Variants in UST observed in about 807,000 individuals in gnomAD.
The protein encoded by UST is chondroitin sulfate 2-O-sulfotransferase.
In UST, 21 loss-of-function variants were observed where a neutral mutation model predicts 45.6. The observed-to-expected ratio is 0.46, with a 90% CI of 0.33 to 0.66. The LOEUF (loss-of-function observed/expected upper bound fraction) is 0.66, where lower values mean the gene tolerates loss of function less well. UST is among the 30% of genes least tolerant of loss of function. UST has a pLI of 0.02. For missense variants in UST, 463 were observed against 512.4 expected (o/e 0.90, Z 0.93); for synonymous variants, 215 against 200.6 (o/e 1.07, Z -0.61).
intron 1 of UST, among the ~76,000 whole-genome samples, chr6:148,793,435 C>G (rs1776890152): frequency 1.3e-5 from 2 of 152,288 alleles, no homozygotes; most frequent in South Asian, 4.1e-4. Context: ...CCAGAAACCC[C>G]CCTCCTCACC....
At chr6:148,903,737 G>A (rs1582888348) in intron 2 of UST, among the ~76,000 whole-genome samples, 2 of 152,290 alleles carry the variant, frequency 1.3e-5, no homozygotes, top group East Asian at 1.9e-4. Context: ...ATATGCAGGT[G>A]ACTCTAATAT....
intron 7 of UST, among the ~76,000 whole-genome samples, chr6:149,029,452 T>C (rs1158886573): frequency 1.4e-5 from 2 of 143,434 alleles, no homozygotes; most frequent in African/African-American, 2.6e-5. Context: ...TTATATTATA[T>C]ATACATTATA....
chr6:148,972,092 T>G (rs534418117), intron 5 of UST, among the ~76,000 whole-genome samples: 1 of 152,150 alleles, frequency 6.6e-6, no homozygotes, highest in Non-Finnish European at 1.5e-5. Context: ...TGCCGCCTAG[T>G]TAGCAACAGA....
intron 7 of UST, among the ~76,000 whole-genome samples, chr6:149,051,238 C>T (rs1776481421): frequency 6.6e-6 from 1 of 152,222 alleles, no homozygotes; most frequent in Non-Finnish European, 1.5e-5. Context: ...CTCAATTTCA[C>T]AGCCATATCG....
intron 2 of UST, among the ~76,000 whole-genome samples, chr6:148,916,502 C>G (rs750640885): frequency 5.3e-5 from 8 of 152,202 alleles, no homozygotes; most frequent in Non-Finnish European, 7.3e-5. Context: ...AGACATCGTT[C>G]TGGATCCTGG....
chr6:148,953,174 C>A (rs1780399753), intron 3 of UST, among the ~76,000 whole-genome samples: 1 of 152,136 alleles, frequency 6.6e-6, no homozygotes, highest in Non-Finnish European at 1.5e-5. Context: ...TTCTGCAGCA[C>A]CTGTTTCAAT....
intron 7 of UST, among the ~76,000 whole-genome samples, chr6:149,032,196 C>T (rs900586388): frequency 3.9e-5 from 6 of 152,290 alleles, no homozygotes; most frequent in Admixed American, 1.3e-4. Context: ...CCGCTGCTGC[C>T]GGAGGGCCTG....
intron 4 of UST, among the ~76,000 whole-genome samples, chr6:148,957,184 C>G (rs1410843046): frequency 1.3e-5 from 2 of 152,206 alleles, no homozygotes; most frequent in African/African-American, 4.8e-5. Context: ...AACTGACTCC[C>G]CAGGAGCAAC....
chr6:149,071,207 C>A (rs976905561), intron 7 of UST, among the ~76,000 whole-genome samples: 1 of 152,128 alleles, frequency 6.6e-6, no homozygotes, highest in Non-Finnish European at 1.5e-5. Flanking sequence ...CCCCCACTAC[C>A]CTTCTTAGCC....
intron 1 of UST, among the ~76,000 whole-genome samples, chr6:148,848,403 T>C (rs948223011): frequency 4.6e-5 from 7 of 152,218 alleles, no homozygotes; most frequent in Non-Finnish European, 8.8e-5. Flanking sequence ...CTGGGCATGG[T>C]GGCTCACGCC....
intron 1 of UST, among the ~76,000 whole-genome samples, chr6:148,787,978 T>G (rs1776764576): frequency 6.6e-6 from 1 of 152,210 alleles, no homozygotes; most frequent in South Asian, 2.1e-4. Flanking sequence ...ATTGCTTGTA[T>G]TAGTCTGTTT....
chr6:148,957,665 C>A (rs1455805247), intron 4 of UST, among the ~76,000 whole-genome samples: 3 of 152,146 alleles, frequency 2.0e-5, no homozygotes, highest in African/African-American at 7.2e-5. Context: ...AAACTCATGG[C>A]CTCAAGTGAT....
At chr6:148,823,769 T>C (rs1406034101) in intron 1 of UST, among the ~76,000 whole-genome samples, 1 of 152,200 alleles carries the variant, frequency 6.6e-6, no homozygotes, top group Non-Finnish European at 1.5e-5. Flanking sequence ...TTCTGTAGAC[T>C]GCGAAGAGAT....
At chr6:148,990,962 C>G in intron 5 of UST, among the ~76,000 whole-genome samples, 1 of 152,154 alleles carries the variant, frequency 6.6e-6, no homozygotes, top group Non-Finnish European at 1.5e-5. Flanking sequence ...CTCCTAAGCC[C>G]TGGAACAGGA....
At chr6:148,859,140 C>G (rs1004335978) in intron 1 of UST, among the ~76,000 whole-genome samples, 4 of 152,188 alleles carry the variant, frequency 2.6e-5, no homozygotes, top group African/African-American at 9.7e-5. Context: ...TCCTATTTCT[C>G]CACATCCTCT....
intron 1 of UST, among the ~76,000 whole-genome samples, chr6:148,755,038 T>G (rs1363754142): frequency 6.6e-6 from 1 of 152,250 alleles, no homozygotes; most frequent in Non-Finnish European, 1.5e-5. Context: ...GTGACTTGTA[T>G]GTGGAATATG....
intron 2 of UST, among the ~76,000 whole-genome samples, chr6:148,939,174 C>T (rs922951312): frequency 8.5e-5 from 13 of 152,068 alleles, no homozygotes; most frequent in Admixed American, 4.6e-4. Context: ...ATGAAAACAA[C>T]AAAACATCAA....
At chr6:148,839,096 T>C (rs1342977738) in intron 1 of UST, among the ~76,000 whole-genome samples, 4 of 152,182 alleles carry the variant, frequency 2.6e-5, no homozygotes, top group African/African-American at 9.7e-5. Flanking sequence ...TCTGGCAAAA[T>C]GTGGATTCAG....
chr6:148,768,341 C>T (rs1380860500), intron 1 of UST, among the ~76,000 whole-genome samples: 2 of 152,110 alleles, frequency 1.3e-5, no homozygotes, highest in Admixed American at 1.3e-4. Flanking sequence ...TCCTCTTTCT[C>T]TTATCAATTC....
Sources: allele counts gnomAD v4.1 joint callset (sites outside exome capture counted in the v4.1 genomes callset), GRCh38; gene constraint gnomAD v4.1.1; transcripts MANE v1.5; gene names NCBI Gene and HGNC (gene_info 2026-07-23, HGNC 2026-07-21).